The following DCST2 variants were observed in gnomAD, a reference collection of about 807,000 sequenced individuals.
DCST2 encodes DC-STAMP domain containing 2, also known as DC-STAMP domain-containing protein 2.
In DCST2, 64 loss-of-function variants were observed where a neutral mutation model predicts 81.8. The observed-to-expected ratio is 0.78, with a 90% confidence interval of 0.64 to 0.96. The LOEUF (loss-of-function observed/expected upper bound fraction) is 0.96, where lower values mean the gene tolerates loss of function less well. Among genes scored for constraint, DCST2 ranks in the 40% least tolerant of loss-of-function variants. DCST2 has a pLI of 0.00. For missense variants in DCST2, 945 were observed against 1,001.4 expected (o/e 0.94, Z 0.76); for synonymous variants, 354 against 402.6 (o/e 0.88, Z 1.44).
Position 155,033,676 on chromosome 1 carries a change from A to G in DCST2, c.26T>C (p.Val9Ala). 6.2e-7 allele frequency: 1 copy of G among 1,614,026 alleles called. No individual in the cohort carries two copies. Among genetic ancestry groups the G allele is most frequent in the Non-Finnish European group, 8.5e-7 (1 of 1,179,934 alleles). ...AGGCTCCTCTCCCCCCAAGGGGTGC[A>G]CAACATCCTTCATGACTTTGGGCAT... MPKVMKDV[V>A]HPLGGEEPSM... The change falls in exon 1 of 15, where the codon GTG (valine) becomes GCG (alanine). Residue 9 changes from valine (V) to alanine (A), a missense_variant. By Grantham distance (64) the Val-to-Ala change is moderately conservative (BLOSUM62 0). Transcript: ENST00000368424.
intron 10 of DCST2, 147 bp downstream of exon 10, chr1:155,026,155 G>T: frequency 2.8e-6 from 2 of 725,974 alleles, no homozygotes; most frequent in Non-Finnish European, 4.6e-6. Context: ...GAGGCTTGCA[G>T]TCCAGGTCAT....
chr1:155,029,776 T>G (rs951688293), intron 7 of DCST2, among the ~76,000 whole-genome samples: 32 of 152,334 alleles, frequency 2.1e-4, no homozygotes, highest in Non-Finnish European at 2.9e-5. Flanking sequence ...TCCCTCGCTC[T>G]GTGTCCATCC....
Position 155,024,472 on chromosome 1 carries a change from C to G in DCST2, c.1742G>C (p.Arg581Pro). 1 of 1,600,432 alleles carries G rather than the reference C, an allele frequency of 6.2e-7. No individual in the cohort carries two copies. Among genetic ancestry groups the G allele is most frequent in the Non-Finnish European group, 8.5e-7 (1 of 1,172,438 alleles). ...CCTATAGAAAAGACAGTGGCCTCAC[C>G]GACTGGCCAGCACTAGGAAGGCACT... is the stretch of plus-strand genomic sequence containing the variant. ...HRSAFLVLAS[R>P]CPCLGPFVSH... The change falls in exon 11 of 15, where the codon CGG (arginine) becomes CCG (proline). Residue 581 changes from arginine to proline, a missense_variant and splice_region_variant. Arg to Pro is a moderately radical substitution (Grantham distance 103). Coordinates refer to ENST00000368424, the MANE Select transcript of DCST2 (RefSeq NM_144622.3).
rs1174882949 is a variant in DCST2, at chr1:155,031,515, TCCCAC to T, written c.739+54_739+58del. 2.7e-4 allele frequency: 172 copies of T among 642,986 alleles called. 1 individual carries two copies. The highest frequency in any genetic ancestry group is 1.8e-3 in the South Asian group (125 of 69,918). 39.8% of individuals were successfully genotyped at this position (642,986 alleles called of 1,614,324 possible). A position where few individuals can be genotyped will look rare whatever the true frequency, so the allele number is the denominator to read the frequency against. On this transcript the variant is annotated intron_variant, in intron 4 of 14. Transcript: ENST00000368424. The stretch of plus-strand genomic sequence containing the variant: ...CTGCCCTCCCAACTGACCCCCACAT[TCCCAC>T]CCCACCCCACCCCACATCGGCTCCT...
Position 155,033,198 on chromosome 1 carries a change from G to A in DCST2, c.335C>T (p.Thr112Ile), listed in dbSNP as rs777869310. 29 of 1,613,998 alleles carry A rather than the reference G, an allele frequency of 1.8e-5. No homozygotes were observed. Among genetic ancestry groups the A allele is most frequent in the South Asian group, 2.2e-5 (2 of 91,054 alleles). The change falls in exon 2 of 15, where the codon ACT (threonine) becomes ATT (isoleucine). Residue 112 changes from threonine to isoleucine, a missense_variant. Physicochemically the swap from Thr to Ile is moderately conservative, Grantham distance 89. Transcript: ENST00000368424. ...GCTGGCCCGGGTGAAGTTGCGTAGA[G>A]TGTTGGCACAAGGCCCTTGAAGCAC... ...GLVLQGPCAN[T>I]LRNFTRASEA...
rs779621299 is a variant in DCST2 at position 155,027,554 on chromosome 1, CTT to C, written c.1343-841_1343-840del. Among the ~76,000 whole-genome samples, 278 of 64,026 alleles carry C rather than the reference CTT, an allele frequency of 4.3e-3. 1 individual carries two copies. Among genetic ancestry groups the C allele is most frequent in the East Asian group, 0.015 (33 of 2,198 alleles). 42.0% of individuals were successfully genotyped at this position (64,026 alleles called of 152,430 possible). ...TTTGTTTTTTAGGAGTTTTTTACTT[CTT>C]TTTTTTTTTTTTTTTTTTTTTTGAG... On this transcript the variant is annotated intron_variant, in intron 8 of 14. Coordinates refer to ENST00000368424, the MANE Select transcript of DCST2 (RefSeq NM_144622.3).
rs138360951 is a variant in DCST2, at chr1:155,026,587, G to A, written c.1471C>T (p.Arg491Cys). 5.0e-6 allele frequency: 8 copies of A among 1,614,202 alleles called. No homozygotes were observed. The highest frequency in any genetic ancestry group is 4.0e-5 in the African/African-American group (3 of 75,042). The change falls in exon 9 of 15, where the codon CGT (arginine) becomes TGT (cysteine). Residue 491 changes from arginine to cysteine, a missense_variant. Coordinates refer to ENST00000368424, the MANE Select transcript of DCST2 (RefSeq NM_144622.3). ...ISILSRRCLL[R>C]PSEPDSTGYI... is the part of the protein sequence containing the mutation. Reference sequence around the variant, plus strand: ...CCAGTGCTGTCAGGCTCCGAGGGACGAAGGAGACAACGCCGGGACAAAATA... The same window carrying A: ...CCAGTGCTGTCAGGCTCCGAGGGACAAAGGAGACAACGCCGGGACAAAATA...
intron 8 of DCST2, among the ~76,000 whole-genome samples, chr1:155,027,430 G>A (rs1279505486): frequency 7.0e-6 from 1 of 143,532 alleles, no homozygotes; most frequent in African/African-American, 2.6e-5. Flanking sequence ...ACAGGTGTGA[G>A]CCACCGAGTA....
At chr1:155,030,390 C>A in intron 6 of DCST2, 42 bp downstream of exon 6, 1 of 1,604,682 alleles carries the variant, frequency 6.2e-7, no homozygotes. Flanking sequence ...TGGCCCTGCA[C>A]CCCCGGCCCT....
chr1:155,023,292 A>C, intron 13 of DCST2, 35 bp from the exon 14 acceptor site: 1 of 1,613,834 alleles, frequency 6.2e-7, no homozygotes, highest in South Asian at 1.1e-5. Flanking sequence ...GCCTGCAGAC[A>C]TCCTGGGAGA....
At chr1:155,026,868 G>A (rs376371663) in intron 8 of DCST2, 153 bp from the exon 9 acceptor site, 1 of 857,512 alleles carries the variant, frequency 1.2e-6, no homozygotes, top group African/African-American at 1.7e-5. Context: ...CCCTCATGGT[G>A]CCCTGGGGCC....
At chr1:155,020,100 T>C (rs567214394) in intron 14 of DCST2, among the ~76,000 whole-genome samples, 1 of 152,240 alleles carries the variant, frequency 6.6e-6, no homozygotes, top group Admixed American at 6.5e-5. Context: ...GCAGGCCACC[T>C]GGTCCACCTG....
chr1:155,031,433 C>T, intron 4 of DCST2, 141 bp downstream of exon 4: 1 of 540,634 alleles, frequency 1.8e-6, no homozygotes, highest in Non-Finnish European at 3.3e-6. Flanking sequence ...ACCCCCAATA[C>T]TGGTCCTACC....
intron 8 of DCST2, 78 bp from the exon 9 acceptor site, chr1:155,026,793 A>G (rs1211098443): frequency 1.3e-6 from 2 of 1,564,096 alleles, no homozygotes. Flanking sequence ...GAATGAGGAA[A>G]GTGGAGCAGC....
rs1213725840 is a variant in DCST2 at position 155,033,532 on chromosome 1, A to G, written c.170T>C (p.Val57Ala). 2 of 1,613,964 alleles carry G rather than the reference A, an allele frequency of 1.2e-6. No individual in the cohort carries two copies. Among genetic ancestry groups the G allele is most frequent in the Non-Finnish European group, 1.7e-6 (2 of 1,179,904 alleles). ...VEGHSPWGCL[V>A]GTLTLAAFLS... Reference sequence around the variant, plus strand: ...GAAGGCAGCCAAAGTGAGGGTGCCCACCAGGCAACCCCAGGGGCTGTGGCC... The same window carrying G: ...GAAGGCAGCCAAAGTGAGGGTGCCCGCCAGGCAACCCCAGGGGCTGTGGCC... The change falls in exon 1 of 15, where the codon GTG becomes GCG. Residue 57 changes from valine (V) to alanine (A), a missense_variant. Physicochemically the swap from Val to Ala is moderately conservative, Grantham distance 64. Transcript: ENST00000368424.
intron 2 of DCST2, 84 bp from the exon 3 acceptor site, chr1:155,032,852 G>A: frequency 7.6e-7 from 1 of 1,314,924 alleles, no homozygotes; most frequent in African/African-American, 1.5e-5. Flanking sequence ...AGGGAGTAGA[G>A]AGGAGGCCAC....
chr1:155,026,014 C>T (rs1412727172), intron 10 of DCST2, among the ~76,000 whole-genome samples: 2 of 151,864 alleles, frequency 1.3e-5, no homozygotes, highest in Admixed American at 1.3e-4. Flanking sequence ...CTCCACTCTC[C>T]AACTCTCCCC....
At chr1:155,031,532 C>CCCCATCCG in intron 4 of DCST2, 42 bp downstream of exon 4, 1 of 1,545,068 alleles carries the variant, frequency 6.5e-7, no homozygotes, top group Non-Finnish European at 8.9e-7. Context: ...CCACCCCACC[C>CCCCATCCG]CACATCGGCT....
At chr1:155,020,415 G>C (rs1397808737) in intron 14 of DCST2, among the ~76,000 whole-genome samples, 1 of 152,162 alleles carries the variant, frequency 6.6e-6, no homozygotes, top group African/African-American at 2.4e-5. Flanking sequence ...TGTCGCCCAG[G>C]CTGGAGTGCA....
Sources: gnomAD v4.1 joint callset for allele counts (sites outside exome capture counted in the v4.1 genomes callset) on GRCh38, gnomAD v4.1.1 for gene constraint, MANE v1.5 for transcripts, NCBI Gene and HGNC (gene_info 2026-07-23, HGNC 2026-07-21) for gene names.